Variants in SEMA6D observed in about 807,000 individuals in gnomAD.
SEMA6D encodes the protein semaphorin 6D.
SEMA6D carries 35 observed loss-of-function variants against 106.6 expected under a neutral mutation model. The ratio of observed to expected loss-of-function variants is 0.33; its 90% CI spans 0.25 to 0.44. SEMA6D has a LOEUF of 0.44. Ranked by LOEUF, SEMA6D falls within the 20% of genes least tolerant of loss-of-function variation. SEMA6D has a pLI of 1.00. For synonymous variants in SEMA6D, 499 were observed against 487.7 expected, an observed-to-expected ratio of 1.02 and a Z score of -0.31; for missense variants, 1,185 against 1,345.9, an observed-to-expected ratio of 0.88 and a Z score of 1.87.
intron 1 of SEMA6D, among the ~76,000 whole-genome samples, chr15:47,323,230 C>T (rs1253766811): frequency 6.6e-6 from 1 of 152,106 alleles, no homozygotes; most frequent in Admixed American, 6.5e-5. Flanking sequence ...CCCTTTGACT[C>T]CCACCACCCA....
At chr15:47,565,618 C>T (rs1205986079) in intron 3 of SEMA6D, among the ~76,000 whole-genome samples, 1 of 152,218 alleles carries the variant, frequency 6.6e-6, no homozygotes, top group Non-Finnish European at 1.5e-5. Flanking sequence ...CATCGAACCA[C>T]AAGGGTTGTA....
At chr15:47,765,234 C>A in intron 13 of SEMA6D, 178 bp downstream of exon 13, 2 of 1,390,704 alleles carry the variant, frequency 1.4e-6, no homozygotes, top group Non-Finnish European at 1.9e-6. Context: ...CCTGCTAGGG[C>A]GAGGGGGGTG....
At chr15:47,423,836 C>G (rs934275987) in intron 2 of SEMA6D, among the ~76,000 whole-genome samples, 25 of 151,846 alleles carry the variant, frequency 1.6e-4, no homozygotes, top group African/African-American at 6.0e-4. Context: ...TGTCTAAAAC[C>G]CACCAGAGTT....
chr15:47,536,444 C>T (rs1180911511), intron 3 of SEMA6D, among the ~76,000 whole-genome samples: 1 of 152,156 alleles, frequency 6.6e-6, no homozygotes, highest in Non-Finnish European at 1.5e-5. Context: ...TGGGAGGAGC[C>T]CCTTGGCTCT....
At chr15:47,581,923 A>G (rs528211824) in intron 3 of SEMA6D, among the ~76,000 whole-genome samples, 1 of 152,260 alleles carries the variant, frequency 6.6e-6, no homozygotes, top group African/African-American at 2.4e-5. Flanking sequence ...ATACACATGC[A>G]GCCATTCCTA....
At chr15:47,218,403 G>A (rs1423313847) in intron 1 of SEMA6D, among the ~76,000 whole-genome samples, 1 of 152,042 alleles carries the variant, frequency 6.6e-6, no homozygotes, top group Non-Finnish European at 1.5e-5. Context: ...TGGGTTGAAT[G>A]TACTCTTCCG....
intron 3 of SEMA6D, among the ~76,000 whole-genome samples, chr15:47,586,153 A>C (rs922597233): frequency 6.6e-6 from 1 of 152,254 alleles, no homozygotes; most frequent in East Asian, 1.9e-4. Context: ...CATAAAAATG[A>C]CAAAAAGGTG....
intron 3 of SEMA6D, among the ~76,000 whole-genome samples, chr15:47,550,287 A>G (rs1004396443): frequency 6.6e-6 from 1 of 152,176 alleles, no homozygotes; most frequent in Non-Finnish European, 1.5e-5. Flanking sequence ...TAATGGTATA[A>G]AATAAAACAA....
intron 2 of SEMA6D, among the ~76,000 whole-genome samples, chr15:47,450,371 A>G (rs759674637): frequency 2.6e-5 from 4 of 151,992 alleles, no homozygotes; most frequent in Non-Finnish European, 4.4e-5. Flanking sequence ...TCAGGACATC[A>G]CCATGCCTCT....
chr15:47,645,916 A>C (rs1331744124), intron 4 of SEMA6D, among the ~76,000 whole-genome samples: 1 of 152,172 alleles, frequency 6.6e-6, no homozygotes, highest in Non-Finnish European at 1.5e-5. Context: ...AGATGAAAAG[A>C]TGCATAGGCT....
chr15:47,541,344 T>C (rs894104088), intron 3 of SEMA6D, among the ~76,000 whole-genome samples: 1 of 152,156 alleles, frequency 6.6e-6, no homozygotes, highest in African/African-American at 2.4e-5. Context: ...GATATCAGCA[T>C]AAACAATAAT....
At chr15:47,760,931 A>G (rs777467700) in intron 3 of SEMA6D, 47 bp from the exon 4 acceptor site, 106 of 1,518,092 alleles carry the variant, frequency 7.0e-5, no homozygotes, top group Non-Finnish European at 9.0e-5. Context: ...GCAGCTTAAC[A>G]TTTTTATGTA....
intron 3 of SEMA6D, among the ~76,000 whole-genome samples, chr15:47,487,499 C>A: frequency 6.6e-6 from 1 of 152,288 alleles, no homozygotes; most frequent in Non-Finnish European, 1.5e-5. Context: ...TATGCATATG[C>A]ATATCTATAC....
chr15:47,378,755 G>T (rs1048320234), intron 1 of SEMA6D, among the ~76,000 whole-genome samples: 18 of 152,186 alleles, frequency 1.2e-4, no homozygotes, highest in Admixed American at 3.9e-4. Flanking sequence ...TACTTGAAAT[G>T]ACAGAGAACT....
intron 1 of SEMA6D, among the ~76,000 whole-genome samples, chr15:47,184,956 G>A (rs1231514127): frequency 6.6e-6 from 1 of 152,132 alleles, no homozygotes; most frequent in East Asian, 1.9e-4. Flanking sequence ...CGAGTACCTG[G>A]GTGTAGGGAA....
intron 3 of SEMA6D, among the ~76,000 whole-genome samples, chr15:47,486,100 G>T (rs1402653938): frequency 6.6e-6 from 1 of 152,186 alleles, no homozygotes; most frequent in African/African-American, 2.4e-5. Flanking sequence ...GGGAAAGTGG[G>T]ATTGTGGATA....
At chr15:47,697,593 A>G (rs2078727053) in intron 4 of SEMA6D, among the ~76,000 whole-genome samples, 2 of 152,250 alleles carry the variant, frequency 1.3e-5, no homozygotes, top group African/African-American at 4.8e-5. Flanking sequence ...AATAAACTGG[A>G]TTTGTTAGAA....
chr15:47,473,254 C>T (rs2042906481), intron 3 of SEMA6D, among the ~76,000 whole-genome samples: 1 of 152,172 alleles, frequency 6.6e-6, no homozygotes, highest in African/African-American at 2.4e-5. Context: ...TCAGCCACTG[C>T]AGAGGCAGCT....
chr15:47,282,796 G>A (rs1215478436), intron 1 of SEMA6D, among the ~76,000 whole-genome samples: 3 of 152,100 alleles, frequency 2.0e-5, no homozygotes, highest in Non-Finnish European at 4.4e-5. Context: ...CTTTGTCATT[G>A]TTCCTGACAT....
Sources: gnomAD v4.1 joint callset for allele counts (sites outside exome capture counted in the v4.1 genomes callset) on GRCh38, gnomAD v4.1.1 for gene constraint, MANE v1.5 for transcripts, NCBI Gene and HGNC (gene_info 2026-07-23, HGNC 2026-07-21) for gene names.